The following KIF3B variants were observed in gnomAD, a reference collection of about 807,000 sequenced individuals.
KIF3B encodes kinesin family member 3B.
KIF3B carries 38 observed loss-of-function variants against 74.3 expected under a neutral mutation model. The ratio of observed to expected loss-of-function variants is 0.51; its 90% CI spans 0.39 to 0.67. KIF3B has a LOEUF of 0.67. Among genes scored for constraint, KIF3B ranks in the 30% least tolerant of loss-of-function variants. The probability of loss-of-function intolerance (pLI) is 0.00; values close to 1 mark genes in which losing one functional copy is unlikely to be tolerated. For missense variants in KIF3B, 649 were observed against 932.0 expected (o/e 0.70, Z 3.95); for synonymous variants, 326 against 342.5 (o/e 0.95, Z 0.53).
chr20:32,291,213 C>CTA (rs1394169327), intron 1 of KIF3B, among the ~76,000 whole-genome samples: 1 of 152,102 alleles, frequency 6.6e-6, no homozygotes, highest in Non-Finnish European at 1.5e-5. Flanking sequence ...CACTACTGAA[C>CTA]TATACACTTA....
chr20:32,289,780 T>C (rs1302746579), intron 1 of KIF3B, among the ~76,000 whole-genome samples: 1 of 152,196 alleles, frequency 6.6e-6, no homozygotes, highest in Admixed American at 6.6e-5. Context: ...GCGAAAATTG[T>C]CCAGAAACAA....
rs988114182 is a variant in KIF3B, at chr20:32,298,228, G to A, written c.-65-11485G>A. Among the ~76,000 whole-genome samples, 18 of 152,230 alleles carry A rather than the reference G, an allele frequency of 1.2e-4. No individual in the cohort carries two copies. In the South Asian group the frequency reaches 2.7e-3, roughly 23 times the overall value. ...GGGTGGGTGGGTCACTTGAGGCTGG[G>A]AGTTCGAGACCAGCCTGGCCAACAT... On this transcript the variant is annotated intron_variant, in intron 1 of 8. Transcript: ENST00000375712.
At chr20:32,331,178 C>T in intron 8 of KIF3B, 45 bp from the exon 9 acceptor site, 8 of 1,387,968 alleles carry the variant, frequency 5.8e-6, no homozygotes, top group Non-Finnish European at 8.2e-6. Context: ...GTGTCAGGGA[C>T]AGAGATGGGG....
At position 32,331,331 on chromosome 20, in the gene KIF3B, C is replaced by T; in HGVS notation, c.*12C>T. ...TGGTTCCAAAGTAAAGCCAGCTTCT[C>T]CTCTCCCAGGGCGGAAACAGCATTT... On this transcript the variant is annotated 3_prime_UTR_variant, in exon 9 of 9. Coordinates refer to ENST00000375712, the MANE Select transcript of KIF3B (RefSeq NM_004798.4). 6.3e-7 allele frequency: 1 copy of T among 1,596,874 alleles called. No homozygotes were observed. The highest frequency in any genetic ancestry group is 8.5e-7 in the Non-Finnish European group (1 of 1,170,564).
rs139596384 is a variant in KIF3B, at chr20:32,278,723, G to A, written c.-66+958G>A. On this transcript the variant is annotated intron_variant, in intron 1 of 8. Coordinates refer to ENST00000375712, the MANE Select transcript of KIF3B (RefSeq NM_004798.4). Reference sequence around the variant, plus strand: ...CGTTGACCCTTCCAGAAGAAAAAAGGCATCTTTGTGTCCTTTGGGAAGTGC... The same window carrying A: ...CGTTGACCCTTCCAGAAGAAAAAAGACATCTTTGTGTCCTTTGGGAAGTGC... Among the ~76,000 whole-genome samples the A allele has an allele frequency of 3.5e-3, 529 of 152,238 alleles. 2 individuals carry two copies. Among genetic ancestry groups the A allele is most frequent in the African/African-American group, 0.011 (450 of 41,540 alleles).
At chr20:32,299,577 A>T (rs2122675120) in intron 1 of KIF3B, among the ~76,000 whole-genome samples, 1 of 150,424 alleles carries the variant, frequency 6.6e-6, no homozygotes, top group African/African-American at 2.4e-5. Flanking sequence ...TGCCCTGCTA[A>T]TTTTTGTATT....
intron 1 of KIF3B, among the ~76,000 whole-genome samples, chr20:32,289,695 T>A (rs2047682546): frequency 6.6e-6 from 1 of 152,228 alleles, no homozygotes; most frequent in South Asian, 2.1e-4. Context: ...CTTTTTAAAA[T>A]AAACTTTGTG....
chr20:32,329,404 C>T (rs1422710528), intron 7 of KIF3B, among the ~76,000 whole-genome samples: 1 of 147,284 alleles, frequency 6.8e-6, no homozygotes, highest in Non-Finnish European at 1.5e-5. Context: ...AGCTGGAGTG[C>T]TGTAGCACAG....
In KIF3B at chr20:32,314,447, C is replaced by T. The variant is rs547641002; in HGVS notation, c.1405-1771C>T. Among the ~76,000 whole-genome samples the T allele has an allele frequency of 1.7e-3, 253 of 151,104 alleles. 2 individuals carry two copies. Among genetic ancestry groups the T allele is most frequent in the Non-Finnish European group, 1.7e-3 (113 of 67,830 alleles). ...TCCAGCTACTTGGGAGGCTGAGGCA[C>T]GAGAATTGCTTGAACCTGGGAGGCA... On this transcript the variant is annotated intron_variant, in intron 2 of 8. Coordinates refer to ENST00000375712, the MANE Select transcript of KIF3B (RefSeq NM_004798.4).
At position 32,327,672 on chromosome 20, in the gene KIF3B, C is replaced by T. The variant is rs1449356789; in HGVS notation, c.1968+11C>T. ...GAGGCCCGATATAGGGTGAGAAGAT[C>T]CTTCTTGGGTTTTTCTCCTGTCTCT... On this transcript the variant is annotated intron_variant, in intron 7 of 8. Transcript: ENST00000375712. The T allele has an allele frequency of 1.2e-6, 2 of 1,603,398 alleles. No homozygotes were observed. The highest frequency in any genetic ancestry group is 4.5e-5 in the East Asian group (2 of 44,726).
rs1393377808 is a variant in KIF3B at position 32,299,391 on chromosome 20, A to G, written c.-65-10322A>G. 6.3e-4 allele frequency among the ~76,000 whole-genome samples: 22 copies of G among 35,104 alleles called. No homozygotes were observed. The East Asian group carries it at 0.025, about 39-fold the overall frequency. The allele number at this position is 35,104 out of a possible 152,430, so 23.0% of individuals were successfully genotyped here. On this transcript the variant is annotated intron_variant, in intron 1 of 8. Transcript: ENST00000375712. ...GAATGGTGTGTGTGTATATATATATATATATATATATATTTTTTTTTTTTT... is the reference window on the plus strand; with the variant it reads ...GAATGGTGTGTGTGTATATATATATGTATATATATATATTTTTTTTTTTTT...
chr20:32,300,642 G>T (rs2047739011), intron 1 of KIF3B, among the ~76,000 whole-genome samples: 1 of 151,922 alleles, frequency 6.6e-6, no homozygotes, highest in Non-Finnish European at 1.5e-5. Flanking sequence ...TTGAACTCCT[G>T]GCCACAAAGA....
At chr20:32,298,614 G>A (rs2047727330) in intron 1 of KIF3B, among the ~76,000 whole-genome samples, 1 of 152,056 alleles carries the variant, frequency 6.6e-6, no homozygotes, top group Non-Finnish European at 1.5e-5. Flanking sequence ...CCATTGCCCA[G>A]TTTGGGCAGC....
At chr20:32,297,683 A>G (rs1187155546) in intron 1 of KIF3B, among the ~76,000 whole-genome samples, 3 of 152,274 alleles carry the variant, frequency 2.0e-5, no homozygotes, top group Middle Eastern at 3.4e-3. Context: ...AGTATAAATG[A>G]GCAAAGCATG....
chr20:32,322,161 A>G (rs1251976077), intron 5 of KIF3B, among the ~76,000 whole-genome samples: 1 of 151,918 alleles, frequency 6.6e-6, no homozygotes, highest in Non-Finnish European at 1.5e-5. Context: ...CTTTCCATTT[A>G]TTTATTATTT....
chr20:32,312,370 G>T (rs1267975752), intron 2 of KIF3B, among the ~76,000 whole-genome samples: 4 of 151,988 alleles, frequency 2.6e-5, no homozygotes, highest in Non-Finnish European at 4.4e-5. Flanking sequence ...CTCCCAAAGT[G>T]CTGGGATTAC....
chr20:32,308,175 G>A (rs2047781427), intron 1 of KIF3B, among the ~76,000 whole-genome samples: 1 of 152,096 alleles, frequency 6.6e-6, no homozygotes, highest in South Asian at 2.1e-4. Context: ...GGCAGAGCTT[G>A]CAGTGAGCCA....
intron 7 of KIF3B, among the ~76,000 whole-genome samples, chr20:32,329,818 G>C (rs2047921623): frequency 6.6e-6 from 1 of 152,036 alleles, no homozygotes; most frequent in Non-Finnish European, 1.5e-5. Context: ...TATTTTTATA[G>C]TGAAAGATTT....
intron 1 of KIF3B, among the ~76,000 whole-genome samples, chr20:32,298,656 C>G (rs910087582): frequency 2.7e-5 from 4 of 149,022 alleles, no homozygotes; most frequent in Non-Finnish European, 4.6e-5. Flanking sequence ...ATCCTTCTAT[C>G]TCCCCTCCCC....
Sources: gnomAD v4.1 joint callset for allele counts (sites outside exome capture counted in the v4.1 genomes callset) on GRCh38, gnomAD v4.1.1 for gene constraint, MANE v1.5 for transcripts, NCBI Gene and HGNC (gene_info 2026-07-23, HGNC 2026-07-21) for gene names.